Variants in MOB3B observed in about 807,000 individuals in gnomAD.
MOB3B encodes MOB kinase activator 3B, also known as MOB kinase activator-like 2B.
A neutral mutation model predicts 18.7 loss-of-function variants in MOB3B; 7 were observed. That is an observed-to-expected ratio of 0.37 (90% CI 0.21 to 0.70). MOB3B has a LOEUF of 0.70. MOB3B is among the 30% of genes least tolerant of loss of function. The pLI is 0.52. For missense variants in MOB3B, 253 were observed against 281.3 expected (o/e 0.90, Z 0.72); for synonymous variants, 111 against 99.9 (o/e 1.11, Z -0.66).
intron 2 of MOB3B, among the ~76,000 whole-genome samples, chr9:27,401,644 C>T (rs1438447442): frequency 6.6e-6 from 1 of 152,220 alleles, no homozygotes; most frequent in Admixed American, 6.5e-5. Flanking sequence ...GTCTTCTGAT[C>T]TGCTAACATC....
intron 1 of MOB3B, among the ~76,000 whole-genome samples, chr9:27,475,569 G>A (rs1017717687): frequency 6.6e-5 from 10 of 152,180 alleles, no homozygotes; most frequent in African/African-American, 2.4e-4. Flanking sequence ...TCAAAACACA[G>A]GGAGGTCAAT....
At chr9:27,337,154 T>C (rs1034223524) in intron 3 of MOB3B, among the ~76,000 whole-genome samples, 2 of 151,924 alleles carry the variant, frequency 1.3e-5, no homozygotes, top group African/African-American at 4.8e-5. Flanking sequence ...GGGCTGGGGG[T>C]GGACAGCACC....
intron 2 of MOB3B, among the ~76,000 whole-genome samples, chr9:27,426,688 C>G (rs1004153757): frequency 2.6e-5 from 4 of 152,210 alleles, no homozygotes; most frequent in African/African-American, 4.8e-5. Flanking sequence ...CTGTCCCCCC[C>G]TGCCCGACTC....
intron 1 of MOB3B, among the ~76,000 whole-genome samples, chr9:27,492,369 A>G (rs751274361): frequency 6.6e-6 from 1 of 152,220 alleles, no homozygotes; most frequent in Non-Finnish European, 1.5e-5. Flanking sequence ...AAACCCTAAG[A>G]ATAAAGATTT....
chr9:27,529,516 T>C, intron 1 of MOB3B, 39 bp downstream of exon 1: 1 of 980,870 alleles, frequency 1.0e-6, no homozygotes, highest in Non-Finnish European at 1.2e-6. Context: ...GCCACCGGGC[T>C]GCGCCGCCTC....
intron 1 of MOB3B, among the ~76,000 whole-genome samples, chr9:27,478,094 C>CA: frequency 6.6e-6 from 1 of 152,296 alleles, no homozygotes; most frequent in Non-Finnish European, 1.5e-5. Context: ...CTATGTCATG[C>CA]ACAAGTGTGT....
chr9:27,511,009 C>T (rs755894114), intron 1 of MOB3B, among the ~76,000 whole-genome samples: 6 of 152,054 alleles, frequency 3.9e-5, no homozygotes, highest in African/African-American at 9.7e-5. Flanking sequence ...TCAGGTCAAG[C>T]GGCAGGGACT....
At chr9:27,352,241 T>A (rs1821116009) in intron 3 of MOB3B, among the ~76,000 whole-genome samples, 1 of 151,522 alleles carries the variant, frequency 6.6e-6, no homozygotes. Flanking sequence ...ATTAGCCAGG[T>A]GTGGTGACAT....
At chr9:27,370,627 C>T (rs1304021002) in intron 2 of MOB3B, among the ~76,000 whole-genome samples, 2 of 152,188 alleles carry the variant, frequency 1.3e-5, no homozygotes, top group Non-Finnish European at 2.9e-5. Context: ...CCACCAGACA[C>T]TGAATCTGTC....
At chr9:27,519,822 G>T (rs1353965664) in intron 1 of MOB3B, among the ~76,000 whole-genome samples, 1 of 151,956 alleles carries the variant, frequency 6.6e-6, no homozygotes, top group Non-Finnish European at 1.5e-5. Flanking sequence ...CAGAAGACAA[G>T]CTGGCCCCAA....
intron 1 of MOB3B, among the ~76,000 whole-genome samples, chr9:27,522,024 T>C (rs903128796): frequency 2.6e-5 from 4 of 151,810 alleles, no homozygotes; most frequent in Admixed American, 6.6e-5. Flanking sequence ...GGTCGGATCA[T>C]GAGGTCAGGA....
chr9:27,482,206 C>T (rs567401473), intron 1 of MOB3B, among the ~76,000 whole-genome samples: 10 of 152,340 alleles, frequency 6.6e-5, no homozygotes, highest in Middle Eastern at 6.8e-3. Flanking sequence ...TCAACCTTAT[C>T]ATTTGGCTGA....
At chr9:27,360,499 C>T (rs758676877) in intron 2 of MOB3B, among the ~76,000 whole-genome samples, 11 of 152,126 alleles carry the variant, frequency 7.2e-5, no homozygotes, top group South Asian at 2.1e-4. Flanking sequence ...AGTGAGACTC[C>T]GTCTCAAACA....
chr9:27,457,530 T>G (rs115944634), intron 1 of MOB3B, among the ~76,000 whole-genome samples: 2 of 152,188 alleles, frequency 1.3e-5, no homozygotes, highest in African/African-American at 4.8e-5. Context: ...TGATTCCCCC[T>G]TATCAACTCT....
chr9:27,360,049 G>A (rs1204284722), intron 2 of MOB3B, among the ~76,000 whole-genome samples: 1 of 152,170 alleles, frequency 6.6e-6, no homozygotes, highest in African/African-American at 2.4e-5. Flanking sequence ...TTGACTTTTG[G>A]TTTCTCATCT....
In MOB3B at chr9:27,441,524, G is replaced by A. The variant is rs149018935; in HGVS notation, c.418+13609C>T. ...CCAGATATCTACTAAATGAGCAATG[G>A]GCAGGTAGAGTCTACAGTGTGGGTA... On this transcript the variant is annotated intron_variant, in intron 2 of 3. Coordinates refer to ENST00000262244, the MANE Select transcript of MOB3B (RefSeq NM_024761.5). Among the ~76,000 whole-genome samples, 540 of 152,262 alleles carry A rather than the reference G, an allele frequency of 3.5e-3. 2 individuals are homozygous for A. Among genetic ancestry groups the A allele is most frequent in the African/African-American group, 0.013 (520 of 41,544 alleles).
intron 3 of MOB3B, among the ~76,000 whole-genome samples, chr9:27,357,926 C>G (rs1185560049): frequency 1.2e-5 from 1 of 85,000 alleles, no homozygotes; most frequent in Non-Finnish European, 2.6e-5. Flanking sequence ...AAAAAATAGC[C>G]ATGCCAGGCT....
intron 1 of MOB3B, among the ~76,000 whole-genome samples, chr9:27,504,955 C>T (rs1820037381): frequency 6.6e-6 from 1 of 152,150 alleles, no homozygotes. Flanking sequence ...CTGACCTCTG[C>T]TTCTGTCATT....
At chr9:27,356,109 T>C (rs147346990) in intron 3 of MOB3B, among the ~76,000 whole-genome samples, 1 of 152,320 alleles carries the variant, frequency 6.6e-6, no homozygotes, top group East Asian at 1.9e-4. Flanking sequence ...ATTCTTAATA[T>C]CTATTTCTGT....
Sources: gnomAD v4.1 joint callset for allele counts (sites outside exome capture counted in the v4.1 genomes callset) on GRCh38, gnomAD v4.1.1 for gene constraint, MANE v1.5 for transcripts, NCBI Gene and HGNC (gene_info 2026-07-23, HGNC 2026-07-21) for gene names.